STK32C: variants seen among roughly 807,000 people sequenced by gnomAD.
STK32C encodes the protein serine/threonine kinase 32C.
STK32C carries 31 observed loss-of-function variants against 56.5 expected under a neutral mutation model. That is an observed-to-expected ratio of 0.55 (90% CI 0.41 to 0.74). The LOEUF is 0.74. Among genes scored for constraint, STK32C ranks in the 30% least tolerant of loss-of-function variants. The probability of loss-of-function intolerance (pLI) is 0.00; values close to 1 mark genes in which losing one functional copy is unlikely to be tolerated. For missense variants in STK32C, 544 were observed against 676.9 expected (o/e 0.80, Z 2.18); for synonymous variants, 309 against 289.4 (o/e 1.07, Z -0.69).
chr10:132,216,354 C>T (rs1364857010), intron 10 of STK32C, among the ~76,000 whole-genome samples: 1 of 151,514 alleles, frequency 6.6e-6, no homozygotes, highest in Non-Finnish European at 1.5e-5. Context: ...ATCCCAGCTA[C>T]TTGGGAGGCT....
chr10:132,263,333 G>A (rs1375760665), intron 1 of STK32C, among the ~76,000 whole-genome samples: 1 of 152,124 alleles, frequency 6.6e-6, no homozygotes. Context: ...GCGACTTAAT[G>A]CAGGAACAGA....
At chr10:132,242,487 T>C (rs1314216766) in intron 2 of STK32C, among the ~76,000 whole-genome samples, 1 of 152,064 alleles carries the variant, frequency 6.6e-6, no homozygotes, top group Non-Finnish European at 1.5e-5. Context: ...CAAGAGGAAC[T>C]GCCAGCACAG....
intron 1 of STK32C, among the ~76,000 whole-genome samples, chr10:132,250,209 C>A (rs2063847014): frequency 6.6e-6 from 1 of 152,234 alleles, no homozygotes; most frequent in South Asian, 2.1e-4. Flanking sequence ...GGGGACAGCA[C>A]CCTGAGGACA....
downstream of STK32C, among the ~76,000 whole-genome samples, chr10:132,320,842 G>A (rs139731290): frequency 4.6e-5 from 7 of 152,196 alleles, no homozygotes; most frequent in Non-Finnish European, 1.0e-4. Context: ...AGGCCAAGGC[G>A]TTGCCATCAT....
chr10:132,275,025 G>C (rs931528785), intron 1 of STK32C, among the ~76,000 whole-genome samples: 1 of 152,196 alleles, frequency 6.6e-6, no homozygotes, highest in Non-Finnish European at 1.5e-5. Flanking sequence ...CAGCACCATG[G>C]CACAGCAGGC....
chr10:132,246,112 G>A (rs3814609), intron 1 of STK32C, among the ~76,000 whole-genome samples, 157 bp from the exon 2 acceptor site: 38,400 of 152,152 alleles, frequency 0.25, 6,147 homozygotes, highest in East Asian at 0.5. Flanking sequence ...GCTCCTGTGC[G>A]AGGCAGGAGG....
At chr10:132,324,004 C>G (rs2066453673), downstream of STK32C, 1 of 512,382 alleles carries the variant, frequency 2.0e-6, no homozygotes. Flanking sequence ...AGAATTAGCC[C>G]AGTCCCTAAA....
At chr10:132,208,279 T>A in intron 11 of STK32C, 128 bp from the exon 12 acceptor site, 1 of 1,138,678 alleles carries the variant, frequency 8.8e-7, no homozygotes, top group Non-Finnish European at 1.1e-6. Context: ...ACAGGCTCGG[T>A]GTCTGCTGGA....
At chr10:132,227,626 G>GTGA (rs1177617163) in intron 3 of STK32C, among the ~76,000 whole-genome samples, 1 of 151,992 alleles carries the variant, frequency 6.6e-6, no homozygotes, top group East Asian at 2.0e-4. Context: ...GGTGGTGATG[G>GTGA]TGATGGTGAT....
In STK32C at chr10:132,307,862, G is replaced by C. The variant is rs753891836; in HGVS notation, c.-29C>G. The stretch of plus-strand genomic sequence containing the variant: ...CGGGTCTGGGTGCGCGCGGCAGCCG[G>C]AACTCGGGGCATGGCCGGCCGGCAG... On this transcript the variant is annotated 5_prime_UTR_variant, in exon 1 of 12. Coordinates refer to ENST00000298630, the MANE Select transcript of STK32C (RefSeq NM_173575.4). This position sits in a 1 kb window ranked among gnomAD's most constrained non-coding sequence, Gnocchi z 4.4. 105 of 1,147,280 alleles carry C rather than the reference G, an allele frequency of 9.2e-5. No homozygotes were observed. In the African/African-American group the frequency reaches 1.7e-3, roughly 19 times the overall value. 71.1% of individuals were successfully genotyped at this position (1,147,280 alleles called of 1,614,324 possible).
intron 10 of STK32C, among the ~76,000 whole-genome samples, chr10:132,214,337 TAAGC>T (rs1398023118): frequency 6.6e-6 from 1 of 152,152 alleles, no homozygotes; most frequent in Non-Finnish European, 1.5e-5. Flanking sequence ...AGAAATCACA[TAAGC>T]AAGAAGAGAG....
At chr10:132,314,909 G>A (rs2066285078) in intron 1 of STK32C, among the ~76,000 whole-genome samples, 1 of 152,190 alleles carries the variant, frequency 6.6e-6, no homozygotes. Context: ...GGCCGAGGCA[G>A]GCAGATCCTG....
chr10:132,302,354 T>A (rs779322194), intron 1 of STK32C, among the ~76,000 whole-genome samples: 1 of 152,154 alleles, frequency 6.6e-6, no homozygotes, highest in Non-Finnish European at 1.5e-5. Flanking sequence ...ATTTGTTACA[T>A]AAAAAGTATG....
intron 4 of STK32C, among the ~76,000 whole-genome samples, chr10:132,226,278 G>T (rs2062885903): frequency 6.6e-6 from 1 of 152,200 alleles, no homozygotes; most frequent in African/African-American, 2.4e-5. Context: ...TTTTCATTTT[G>T]TTCCATTGCT....
At chr10:132,294,017 C>G (rs962138743) in intron 1 of STK32C, among the ~76,000 whole-genome samples, 1 of 152,128 alleles carries the variant, frequency 6.6e-6, no homozygotes, top group Non-Finnish European at 1.5e-5. Context: ...CATCAGGACT[C>G]GCATTTGAAC....
Position 132,224,815 on chromosome 10 carries a change from T to TG in STK32C, c.877-293dup, listed in dbSNP as rs527700226. ...AGGAGGGAGCTGGCTTCCTCAGAGGTGGGGTCCTGTGCAGGGCTGAGGGGT... is the reference window on the plus strand; with the variant it reads ...AGGAGGGAGCTGGCTTCCTCAGAGGTGGGGGTCCTGTGCAGGGCTGAGGGGT... On this transcript the variant is annotated intron_variant, in intron 7 of 11. Coordinates refer to ENST00000298630, the MANE Select transcript of STK32C (RefSeq NM_173575.4). 1.6e-3 allele frequency among the ~76,000 whole-genome samples: 239 copies of TG among 152,042 alleles called. 1 individual carries two copies. The highest frequency in any genetic ancestry group is 3.7e-3 in the South Asian group (18 of 4,802).
At chr10:132,265,785 C>T (rs553273279) in intron 1 of STK32C, among the ~76,000 whole-genome samples, 134 of 152,264 alleles carry the variant, frequency 8.8e-4, no homozygotes, top group South Asian at 5.2e-3. Context: ...TTAGTCGCCA[C>T]GGAAACACAA....
intron 1 of STK32C, chr10:132,330,224 T>C (rs757566061): frequency 6.6e-5 from 36 of 543,048 alleles, no homozygotes; most frequent in African/African-American, 1.9e-4. Context: ...CAAAAATTAA[T>C]GTAGCATGAA....
intron 1 of STK32C, among the ~76,000 whole-genome samples, chr10:132,270,043 T>C (rs1350331683): frequency 1.3e-5 from 2 of 152,226 alleles, no homozygotes; most frequent in Admixed American, 6.5e-5. Context: ...GGTACTGCTG[T>C]AGGCCTTGGG....
Sources: allele counts gnomAD v4.1 joint callset (sites outside exome capture counted in the v4.1 genomes callset), GRCh38; gene constraint gnomAD v4.1.1; non-coding constraint Gnocchi (gnomAD v3.1); transcripts MANE v1.5; gene names NCBI Gene and HGNC (gene_info 2026-07-23, HGNC 2026-07-21).